GPR19: variants seen among roughly 807,000 people sequenced by gnomAD.
GPR19 encodes the protein probable G protein-coupled receptor 19.
GPR19 carries 14 observed loss-of-function variants against 28.5 expected under a neutral mutation model. The ratio of observed to expected loss-of-function variants is 0.49; its 90% CI spans 0.32 to 0.77. GPR19 has a LOEUF of 0.77. GPR19 is among the 30% of genes least tolerant of loss of function. The probability of loss-of-function intolerance (pLI) is 0.03; values close to 1 mark genes in which losing one functional copy is unlikely to be tolerated. For missense variants in GPR19, 409 were observed against 504.1 expected (o/e 0.81, Z 1.81); for synonymous variants, 173 against 184.1 (o/e 0.94, Z 0.49).
chr12:12,699,010 G>A (rs1375215419), upstream of GPR19, among the ~76,000 whole-genome samples: 1 of 152,034 alleles, frequency 6.6e-6, no homozygotes, highest in African/African-American at 2.4e-5. Context: ...ATCACAGTCA[G>A]TATGAGCATT....
intron 3 of GPR19, among the ~76,000 whole-genome samples, chr12:12,678,994 G>A (rs567472897): frequency 2.0e-5 from 3 of 151,952 alleles, no homozygotes; most frequent in Non-Finnish European, 4.4e-5. Context: ...ATGGGGTTTC[G>A]CCATGTTGCC....
chr12:12,680,012 GA>G (rs1272741806), intron 3 of GPR19, among the ~76,000 whole-genome samples: 3 of 151,502 alleles, frequency 2.0e-5, no homozygotes, highest in African/African-American at 4.8e-5. Flanking sequence ...TATATGCATT[GA>G]AAAAAAATTG....
At chr12:12,715,514 A>T in the GPR19 span, among the ~76,000 whole-genome samples, 1 of 152,220 alleles carries the variant, frequency 6.6e-6, no homozygotes, top group Non-Finnish European at 1.5e-5. Flanking sequence ...CCACAGGCTC[A>T]AGACAGCTGC....
chr12:12,679,047 T>A (rs1463746988), intron 3 of GPR19, among the ~76,000 whole-genome samples: 8 of 152,182 alleles, frequency 5.3e-5, no homozygotes, highest in Non-Finnish European at 1.2e-4. Flanking sequence ...TCTGCCCACC[T>A]CAGCCTCCCA....
At chr12:12,715,149 T>C in the GPR19 span, 1 of 152,218 alleles carries the variant, frequency 6.6e-6, no homozygotes, top group Admixed American at 6.5e-5. Context: ...TGTGGTAGTT[T>C]GGGTGTTTAT....
chr12:12,711,689 C>T, the GPR19 span, among the ~76,000 whole-genome samples: 3 of 152,168 alleles, frequency 2.0e-5, no homozygotes, highest in Admixed American at 6.5e-5. Context: ...GAGACTGAGG[C>T]AGGAGGATAA....
At chr12:12,687,413 G>C (rs1827945747) in intron 2 of GPR19, among the ~76,000 whole-genome samples, 1 of 152,184 alleles carries the variant, frequency 6.6e-6, no homozygotes, top group South Asian at 2.1e-4. Context: ...GGGTCCCAAA[G>C]CATGCAGAGT....
chr12:12,660,953 T>G lies in GPR19; in HGVS notation c.*248A>C. The G allele has an allele frequency of 2.8e-6, 1 of 362,328 alleles. No individual in the cohort carries two copies. Among genetic ancestry groups the G allele is most frequent in the South Asian group, 7.0e-5 (1 of 14,348 alleles). 22.4% of individuals were successfully genotyped at this position (362,328 alleles called of 1,614,324 possible). A position where few individuals can be genotyped will look rare whatever the true frequency, so the allele number is the denominator to read the frequency against. ...TAAATAGTAAGAAAGCATTTTCTTTTTTATGCATGTAACTAATATATTAAT... is the reference window on the plus strand; with the variant it reads ...TAAATAGTAAGAAAGCATTTTCTTTGTTATGCATGTAACTAATATATTAAT... On this transcript the variant is annotated 3_prime_UTR_variant, in exon 4 of 4. Transcript: ENST00000651487.
In GPR19 at chr12:12,661,276, G is replaced by C. The variant is rs369662202; in HGVS notation, c.1173C>G (p.Asp391Glu). Residue 391 changes from aspartate (D) to glutamate (E), a missense_variant, in exon 4 of 4, where the codon GAC becomes GAG. Asp to Glu is a conservative substitution (Grantham distance 45). Coordinates refer to ENST00000651487, the MANE Select transcript of GPR19 (RefSeq NM_006143.3). This position sits in a 1 kb window ranked among gnomAD's most constrained non-coding sequence, Gnocchi z 4.2. ...AKTITKDSIY[D>E]SFDREAKEKK... ...TTTCCTTGGCTTCTCTGTCAAATGA[G>C]TCATAGATCGAGTCTTTGGTAATAG... is the stretch of plus-strand genomic sequence containing the variant. The C allele has an allele frequency of 6.2e-7, 1 of 1,613,528 alleles. No homozygotes were observed. Among genetic ancestry groups the C allele is most frequent in the Non-Finnish European group, 8.5e-7 (1 of 1,179,472 alleles).
chr12:12,664,560 A>G (rs1945731449), intron 3 of GPR19, among the ~76,000 whole-genome samples: 1 of 152,082 alleles, frequency 6.6e-6, no homozygotes, highest in Non-Finnish European at 1.5e-5. Flanking sequence ...TTTGACTACT[A>G]AAAGATCTTT....
rs1365313373 is a variant in GPR19 at position 12,662,344 on chromosome 12, C to T, written c.105G>A (p.Leu35=). 1 of 1,614,198 alleles carries T rather than the reference C, an allele frequency of 6.2e-7. No individual in the cohort carries two copies. Among genetic ancestry groups the T allele is most frequent in the East Asian group, 2.2e-5 (1 of 44,882 alleles). ...NRSCTETATP[L]PSQYLMELSE... ...TTAATTCCATCAGGTATTGGCTTGGCAGAGGTGTGGCTGTTTCAGTGCAGC... is the reference window on the plus strand; with the variant it reads ...TTAATTCCATCAGGTATTGGCTTGGTAGAGGTGTGGCTGTTTCAGTGCAGC... Residue 35 remains leucine (L), a synonymous_variant, in exon 4 of 4, where the codon CTG becomes CTA. Transcript: ENST00000651487.
At chr12:12,666,763 G>T (rs1945786470) in intron 3 of GPR19, among the ~76,000 whole-genome samples, 2 of 152,180 alleles carry the variant, frequency 1.3e-5, no homozygotes. Context: ...CTTACTCTAT[G>T]TGCCTCTGCT....
the GPR19 span, among the ~76,000 whole-genome samples, chr12:12,702,049 A>G: frequency 6.6e-6 from 1 of 151,132 alleles, no homozygotes; most frequent in African/African-American, 2.4e-5. Flanking sequence ...TGTTTATGTT[A>G]TTGTCTGATT....
At chr12:12,717,047 G>A in the GPR19 span, 21 of 1,005,766 alleles carry the variant, frequency 2.1e-5, no homozygotes, top group Non-Finnish European at 2.4e-5. Flanking sequence ...CGGCGAACCC[G>A]CCAACGCAGC....
the GPR19 span, among the ~76,000 whole-genome samples, chr12:12,707,479 A>C: frequency 6.6e-6 from 1 of 152,248 alleles, no homozygotes; most frequent in Non-Finnish European, 1.5e-5. Flanking sequence ...GGGTTCATTA[A>C]AAATTTAATG....
chr12:12,661,409 A>G lies in GPR19; in HGVS notation c.1040T>C (p.Met347Thr), dbSNP rs960507376. ...FRRGMKETFC[M>T]SSMKCYRSNA... ...GCTTCGGTAACATTTCATAGAGGAC[A>G]TGCAAAAAGTCTCTTTCATCCCTCT... is the stretch of plus-strand genomic sequence containing the variant. The change falls in exon 4 of 4, where the codon ATG becomes ACG. Residue 347 changes from methionine to threonine, a missense_variant. Physicochemically the swap from Met to Thr is moderately conservative, Grantham distance 81 (BLOSUM62 -1). Coordinates refer to ENST00000651487, the MANE Select transcript of GPR19 (RefSeq NM_006143.3). This position sits in a 1 kb window ranked among gnomAD's most constrained non-coding sequence, Gnocchi z 4.2. 2.5e-6 allele frequency: 4 copies of G among 1,613,072 alleles called. No homozygotes were observed. Among genetic ancestry groups the G allele is most frequent in the Non-Finnish European group, 3.4e-6 (4 of 1,178,998 alleles).
chr12:12,677,942 T>G (rs1945956061), intron 3 of GPR19, among the ~76,000 whole-genome samples: 1 of 151,642 alleles, frequency 6.6e-6, no homozygotes, highest in African/African-American at 2.4e-5. Context: ...GGCGTGGTGG[T>G]GGGCGCCTGT....
chr12:12,686,890 G>T (rs1375056383), intron 2 of GPR19, among the ~76,000 whole-genome samples: 10 of 152,076 alleles, frequency 6.6e-5, no homozygotes, highest in Admixed American at 5.2e-4. Context: ...ATATATTATG[G>T]CTTAATGATA....
upstream of GPR19, among the ~76,000 whole-genome samples, chr12:12,698,986 GA>G (rs1178397978): frequency 6.6e-6 from 1 of 152,010 alleles, no homozygotes; most frequent in Non-Finnish European, 1.5e-5. Flanking sequence ...TAGGGAAGAT[GA>G]AAAATTTGGT....
Sources: allele counts gnomAD v4.1 joint callset (sites outside exome capture counted in the v4.1 genomes callset), GRCh38; gene constraint gnomAD v4.1.1; non-coding constraint Gnocchi (gnomAD v3.1); transcripts MANE v1.5; gene names NCBI Gene and HGNC (gene_info 2026-07-23, HGNC 2026-07-21).